Variants in BMP1 observed in about 807,000 individuals in gnomAD.
BMP1 encodes mammalian tolloid protein.
In BMP1, 63 loss-of-function variants were observed where a neutral mutation model predicts 116.8. That is an observed-to-expected ratio of 0.54 (90% CI 0.44 to 0.67). The LOEUF is 0.67. Among genes scored for constraint, BMP1 ranks in the 30% least tolerant of loss-of-function variants. The probability of loss-of-function intolerance (pLI) is 0.00; values close to 1 mark genes in which losing one functional copy is unlikely to be tolerated. For synonymous variants in BMP1, 536 were observed against 533.4 expected, an observed-to-expected ratio of 1.00 and a Z score of -0.07; for missense variants, 1,183 against 1,358.9, an observed-to-expected ratio of 0.87 and a Z score of 2.04.
intron 9 of BMP1, among the ~76,000 whole-genome samples, chr8:22,193,325 G>A (rs1046317416): frequency 1.3e-5 from 2 of 152,222 alleles, no homozygotes; most frequent in Non-Finnish European, 2.9e-5. Flanking sequence ...TGTGAGGGCA[G>A]TTTGTAATGT....
In BMP1 at chr8:22,173,637, G is replaced by T; in HGVS notation, c.184G>T (p.Asp62Tyr). ...TGGGGACATTGCCCTGGACGAAGAG[G>T]ACCTGAGGGCCTTCCAGGTACAGCA... ...FLGDIALDEE[D>Y]LRAFQVQQAV... The change falls in exon 2 of 20, where the codon GAC (aspartate) becomes TAC (tyrosine). Residue 62 changes from aspartate to tyrosine, a missense_variant. By Grantham distance (160) the Asp-to-Tyr change is radical (BLOSUM62 -3). This residue lies in a region of BMP1 where 185 missense variants were observed against 158.9 expected (regional missense o/e 1.16). Transcript: ENST00000306385. 1 of 1,613,502 alleles carries T rather than the reference G, an allele frequency of 6.2e-7. No homozygotes were observed. The highest frequency in any genetic ancestry group is 2.2e-5 in the East Asian group (1 of 44,828).
intron 8 of BMP1, among the ~76,000 whole-genome samples, chr8:22,188,937 G>A (rs1449485378): frequency 6.6e-6 from 1 of 152,216 alleles, no homozygotes; most frequent in Non-Finnish European, 1.5e-5. Flanking sequence ...GCCACGTGGA[G>A]GAGTGGTGGA....
chr8:22,185,818 C>T (rs1160827841), intron 8 of BMP1, among the ~76,000 whole-genome samples: 2 of 145,728 alleles, frequency 1.4e-5, no homozygotes, highest in African/African-American at 5.1e-5. Flanking sequence ...GACAGGGTTT[C>T]ACTGTCTTTC....
chr8:22,198,952 G>A lies in BMP1; in HGVS notation c.2107+1532G>A, dbSNP rs144021646. 3.5e-3 allele frequency: 4,423 copies of A among 1,266,468 alleles called. 19 individuals are homozygous for A. Among genetic ancestry groups the A allele is most frequent in the Non-Finnish European group, 3.8e-3 (3,691 of 972,916 alleles). 78.5% of individuals were successfully genotyped at this position (1,266,468 alleles called of 1,614,324 possible). On this transcript the variant is annotated intron_variant, in intron 15 of 19. Coordinates refer to ENST00000306385, the MANE Select transcript of BMP1 (RefSeq NM_006129.5). ...GGTTGAGAGGATGTAACACCCACTC[G>A]GGGCAGGCTCTGCCCCGGGAAACCA... is the stretch of plus-strand genomic sequence containing the variant.
chr8:22,197,526 G>T, intron 15 of BMP1, 106 bp downstream of exon 15: 1 of 1,324,236 alleles, frequency 7.6e-7, no homozygotes, highest in East Asian at 2.4e-5. Flanking sequence ...CCTGGTGCCA[G>T]GCAGGCAGAG....
At position 22,207,346 on chromosome 8, in the gene BMP1, A is replaced by G; in HGVS notation, c.2405A>G (p.Tyr802Cys). Residue 802 changes from tyrosine to cysteine, a missense_variant, in exon 18 of 20, where the codon TAC becomes TGC. Transcript: ENST00000306385. ...MDIESQPECA[Y>C]DHLEVFDGRD... ...ATCGAGTCCCAGCCTGAGTGTGCCT[A>G]CGACCACCTAGAGGTGTTCGACGGG... is the stretch of plus-strand genomic sequence containing the variant. 6.2e-7 allele frequency: 1 copy of G among 1,613,694 alleles called. No individual in the cohort carries two copies. The highest frequency in any genetic ancestry group is 1.3e-5 in the African/African-American group (1 of 74,920).
At chr8:22,187,985 C>T (rs1828824216) in intron 8 of BMP1, among the ~76,000 whole-genome samples, 1 of 152,006 alleles carries the variant, frequency 6.6e-6, no homozygotes, top group South Asian at 2.1e-4. Context: ...CAGTGAGTCA[C>T]CAAGGGGCAA....
In BMP1 at chr8:22,173,733, G is replaced by A; in HGVS notation, c.262+18G>A. The A allele has an allele frequency of 6.3e-7, 1 of 1,589,254 alleles. No homozygotes were observed. On this transcript the variant is annotated intron_variant, in intron 2 of 19. Transcript: ENST00000306385. ...AGCTGCAGGTAAGCCGGGTGCCAAT[G>A]GGCCCTCTGTGTCCTAGAAATGGGT...
chr8:22,197,110 G>A (rs566024806), intron 14 of BMP1, 130 bp from the exon 15 acceptor site: 9 of 1,249,816 alleles, frequency 7.2e-6, no homozygotes, highest in Middle Eastern at 2.8e-4. Flanking sequence ...GGCGAGTACA[G>A]GAGGATCCAG....
rs1237858309 is a variant in BMP1 at position 22,194,454 on chromosome 8, G to T, written c.1307G>T (p.Gly436Val). The T allele has an allele frequency of 1.9e-6, 3 of 1,614,088 alleles. No individual in the cohort carries two copies. Among genetic ancestry groups the T allele is most frequent in the Non-Finnish European group, 1.7e-6 (2 of 1,180,000 alleles). Residue 436 changes from glycine to valine, a missense_variant, in exon 11 of 20, where the codon GGG becomes GTG. Gly to Val is a moderately radical substitution (Grantham distance 109). Around this residue, in one of 4 missense-constraint regions of BMP1, gnomAD observed 956 missense variants for 1,135.2 expected, o/e 0.84. Transcript: ENST00000306385. The surrounding 1 kb of genome is among the most constrained non-coding windows in gnomAD (Gnocchi z 4.5). The part of the protein sequence containing the change: ...GFFAVYEAIC[G>V]GDVKKDYGHI... The stretch of plus-strand genomic sequence containing the variant: ...TCCTGTGTCCCCACAGCCATCTGCG[G>T]GGGTGATGTGAAAAAGGACTATGGC...
rs80237556 is a variant in BMP1, at chr8:22,168,456, C to A, written c.148+2903C>A. Among the ~76,000 whole-genome samples the A allele has an allele frequency of 1.1e-4, 17 of 152,246 alleles. No homozygotes were observed. In the East Asian group the frequency reaches 3.3e-3, roughly 29 times the overall value. ...TCCCAAAATCAGAGAAGCCCAGGGGCCTGACCCCACAGGGGTGGGGCTAGA... is the reference window on the plus strand; with the variant it reads ...TCCCAAAATCAGAGAAGCCCAGGGGACTGACCCCACAGGGGTGGGGCTAGA... On this transcript the variant is annotated intron_variant, in intron 1 of 19. Transcript: ENST00000306385.
chr8:22,203,016 T>TATAA (rs998754526), intron 16 of BMP1, among the ~76,000 whole-genome samples: 14 of 152,082 alleles, frequency 9.2e-5, no homozygotes, highest in South Asian at 4.2e-4. Flanking sequence ...CAAATAAAAA[T>TATAA]ATAAATAAAT....
intron 3 of BMP1, 99 bp from the exon 4 acceptor site, chr8:22,176,434 C>T: frequency 6.4e-7 from 1 of 1,554,236 alleles, no homozygotes; most frequent in Non-Finnish European, 8.8e-7. Flanking sequence ...CATTCCTTTC[C>T]AGGCAGTCTG....
At chr8:22,192,664 G>T (rs1438362612) in intron 9 of BMP1, among the ~76,000 whole-genome samples, 3 of 152,222 alleles carry the variant, frequency 2.0e-5, no homozygotes, top group Admixed American at 1.3e-4. Flanking sequence ...GACCTTGTCT[G>T]CATAGGATAC....
At chr8:22,196,517 C>A in intron 13 of BMP1, 163 bp from the exon 14 acceptor site, 1 of 1,044,306 alleles carries the variant, frequency 9.6e-7, no homozygotes, top group Non-Finnish European at 1.4e-6. Flanking sequence ...CCCAGGCCAC[C>A]CTGCCTCCTC....
At chr8:22,176,037 T>C (rs545894710) in intron 2 of BMP1, 106 bp from the exon 3 acceptor site, 3 of 1,196,964 alleles carry the variant, frequency 2.5e-6, no homozygotes, top group African/African-American at 1.5e-5. Flanking sequence ...TTTTAGCCAG[T>C]AGACAAATTT....
intron 15 of BMP1, chr8:22,199,311 G>A (rs752828239): frequency 7.3e-7 from 1 of 1,360,798 alleles, no homozygotes; most frequent in Non-Finnish European, 9.8e-7. Context: ...GAGACCCTAA[G>A]CCAAGAAGGA....
At chr8:22,166,135 G>A (rs1199627956) in intron 1 of BMP1, among the ~76,000 whole-genome samples, 1 of 152,062 alleles carries the variant, frequency 6.6e-6, no homozygotes, top group Admixed American at 6.6e-5. Flanking sequence ...GTATCCCGTA[G>A]TTTAACCAGT....
intron 15 of BMP1, among the ~76,000 whole-genome samples, chr8:22,198,049 G>A (rs1400352116): frequency 6.6e-6 from 1 of 152,240 alleles, no homozygotes; most frequent in Non-Finnish European, 1.5e-5. Context: ...GCAGGGTGTA[G>A]TCGTGTGTGC....
Sources: allele counts gnomAD v4.1 joint callset (sites outside exome capture counted in the v4.1 genomes callset), GRCh38; gene constraint gnomAD v4.1.1; regional missense constraint gnomAD v4.1.1; non-coding constraint Gnocchi (gnomAD v3.1); transcripts MANE v1.5; gene names NCBI Gene and HGNC (gene_info 2026-07-23, HGNC 2026-07-21).